Variants in MAGI2 observed in about 807,000 individuals in gnomAD.
MAGI2 encodes membrane-associated guanylate kinase, WW and PDZ domain-containing protein 2.
In MAGI2, 35 loss-of-function variants were observed where a neutral mutation model predicts 133.3. That is an observed-to-expected ratio of 0.26 (90% CI 0.20 to 0.35). The LOEUF (loss-of-function observed/expected upper bound fraction) is 0.35, where lower values mean the gene tolerates loss of function less well. MAGI2 is among the 10% of genes least tolerant of loss of function. The probability of loss-of-function intolerance (pLI) is 1.00; values close to 1 mark genes in which losing one functional copy is unlikely to be tolerated. For missense variants in MAGI2, 1,636 were observed against 1,863.4 expected, an observed-to-expected ratio of 0.88 and a Z score of 2.25; for synonymous variants, 729 against 710.6, an observed-to-expected ratio of 1.03 and a Z score of -0.41.
intron 1 of MAGI2, among the ~76,000 whole-genome samples, chr7:79,132,838 C>G (rs1041102137): frequency 6.6e-6 from 1 of 152,024 alleles, no homozygotes; most frequent in Non-Finnish European, 1.5e-5. Context: ...TTAATAATGG[C>G]CATTATTTCA....
chr7:78,859,110 C>T (rs1458363557), intron 2 of MAGI2, among the ~76,000 whole-genome samples: 1 of 151,908 alleles, frequency 6.6e-6, no homozygotes, highest in African/African-American at 2.4e-5. Context: ...TCCTCCATCC[C>T]TTTATTTTGA....
intron 1 of MAGI2, among the ~76,000 whole-genome samples, chr7:79,409,096 CA>C (rs1554474786): frequency 6.6e-6 from 1 of 151,902 alleles, no homozygotes; most frequent in Non-Finnish European, 1.5e-5. Context: ...GTAGCTTATA[CA>C]ACATTTTTTC....
In MAGI2 at chr7:79,315,764, G is replaced by T. The variant is rs1838676394; in HGVS notation, c.301+137256C>A. On this transcript the variant is annotated intron_variant, in intron 1 of 21. Coordinates refer to ENST00000354212, the MANE Select transcript of MAGI2 (RefSeq NM_012301.4). Reference sequence around the variant, plus strand: ...TAACTCTGGGCAAAAGCAGAGAGATGAAAAGAGGAGGCAGGAATGGAGTCA... The same window carrying T: ...TAACTCTGGGCAAAAGCAGAGAGATTAAAAGAGGAGGCAGGAATGGAGTCA... 2.0e-5 allele frequency among the ~76,000 whole-genome samples: 3 copies of T among 152,136 alleles called. No individual in the cohort carries two copies. The South Asian group carries it at 6.2e-4, about 32-fold the overall frequency.
At chr7:79,157,066 C>G (rs2129547393) in intron 1 of MAGI2, among the ~76,000 whole-genome samples, 1 of 152,206 alleles carries the variant, frequency 6.6e-6, no homozygotes, top group African/African-American at 2.4e-5. Context: ...GATCCTAATT[C>G]TAGTTCAAAG....
At chr7:78,925,511 A>T (rs1288932665) in intron 2 of MAGI2, among the ~76,000 whole-genome samples, 1 of 152,008 alleles carries the variant, frequency 6.6e-6, no homozygotes, top group Admixed American at 6.6e-5. Context: ...ATAGGTCTCA[A>T]AGTGTGGCCT....
intron 2 of MAGI2, among the ~76,000 whole-genome samples, chr7:78,829,895 A>G (rs1790993643): frequency 6.6e-6 from 1 of 152,122 alleles, no homozygotes; most frequent in South Asian, 2.1e-4. Flanking sequence ...CGACTCAACT[A>G]AAGCTAAAAA....
intron 16 of MAGI2, among the ~76,000 whole-genome samples, chr7:78,158,502 C>T (rs1384879961): frequency 2.6e-5 from 4 of 152,186 alleles, no homozygotes; most frequent in African/African-American, 9.7e-5. Context: ...TCATCTACTT[C>T]TCCTCCCTCT....
At chr7:78,355,267 C>G (rs916149058) in intron 7 of MAGI2, among the ~76,000 whole-genome samples, 2 of 152,104 alleles carry the variant, frequency 1.3e-5, no homozygotes, top group African/African-American at 4.8e-5. Context: ...TAATAAAGAA[C>G]AGGAAAGGTG....
At position 79,269,475 on chromosome 7, in the gene MAGI2, C is replaced by A. The variant is rs140392731; in HGVS notation, c.301+183545G>T. Among the ~76,000 whole-genome samples, 506 of 152,012 alleles carry A rather than the reference C, an allele frequency of 3.3e-3. 4 individuals carry two copies. Among genetic ancestry groups the A allele is most frequent in the African/African-American group, 0.011 (457 of 41,482 alleles). On this transcript the variant is annotated intron_variant, in intron 1 of 21. Coordinates refer to ENST00000354212, the MANE Select transcript of MAGI2 (RefSeq NM_012301.4). Reference sequence around the variant, plus strand: ...GCTCTTTGTTTACTCAGTAAGTGCTCAATGTTTGGAAAAAATAAAAATAAA... The same window carrying A: ...GCTCTTTGTTTACTCAGTAAGTGCTAAATGTTTGGAAAAAATAAAAATAAA...
At chr7:78,409,540 T>C (rs185024845) in intron 6 of MAGI2, among the ~76,000 whole-genome samples, 1 of 152,164 alleles carries the variant, frequency 6.6e-6, no homozygotes, top group African/African-American at 2.4e-5. Context: ...GTGAAGAAAA[T>C]AAAACCATCA....
chr7:78,154,885 T>C (rs1824235830), intron 16 of MAGI2, among the ~76,000 whole-genome samples: 1 of 152,044 alleles, frequency 6.6e-6, no homozygotes, highest in Non-Finnish European at 1.5e-5. Flanking sequence ...CCTGACAACC[T>C]CACTGCACGT....
intron 2 of MAGI2, among the ~76,000 whole-genome samples, chr7:78,629,111 A>G (rs1808683998): frequency 6.6e-6 from 1 of 152,100 alleles, no homozygotes; most frequent in South Asian, 2.1e-4. Context: ...ACATGGCTGT[A>G]CCAAATTTTA....
chr7:78,954,901 A>C (rs1473439686), intron 2 of MAGI2, among the ~76,000 whole-genome samples: 1 of 152,182 alleles, frequency 6.6e-6, no homozygotes, highest in African/African-American at 2.4e-5. Context: ...AGGTCTGGTT[A>C]TTATAGATGT....
intron 6 of MAGI2, among the ~76,000 whole-genome samples, chr7:78,473,640 A>T (rs1791450019): frequency 6.6e-6 from 1 of 151,816 alleles, no homozygotes. Context: ...TGCATTTACC[A>T]TGCACACTTT....
At chr7:79,129,895 T>A (rs1235362261) in intron 1 of MAGI2, among the ~76,000 whole-genome samples, 1 of 152,206 alleles carries the variant, frequency 6.6e-6, no homozygotes, top group African/African-American at 2.4e-5. Context: ...AAAACATCAC[T>A]GGGCTAGTTT....
intron 1 of MAGI2, among the ~76,000 whole-genome samples, chr7:79,295,821 T>C (rs1377913090): frequency 6.6e-6 from 1 of 152,094 alleles, no homozygotes; most frequent in Non-Finnish European, 1.5e-5. Context: ...AATTATTAGA[T>C]ATATCATAAT....
intron 20 of MAGI2, among the ~76,000 whole-genome samples, chr7:78,095,919 G>A (rs1328308326): frequency 6.6e-6 from 1 of 152,082 alleles, no homozygotes; most frequent in Non-Finnish European, 1.5e-5. Context: ...ATAAAAACAG[G>A]GAACTAGATA....
chr7:79,065,348 C>T (rs540250970), intron 1 of MAGI2, among the ~76,000 whole-genome samples: 17 of 152,148 alleles, frequency 1.1e-4, no homozygotes, highest in Admixed American at 2.6e-4. Context: ...TGCTAGAGGG[C>T]AGGAAGAATA....
At chr7:78,865,265 C>A (rs1431864858) in intron 2 of MAGI2, among the ~76,000 whole-genome samples, 1 of 152,168 alleles carries the variant, frequency 6.6e-6, no homozygotes, top group African/African-American at 2.4e-5. Context: ...AAGGACAACA[C>A]TTCCTACATT....
Sources: allele counts gnomAD v4.1 joint callset (sites outside exome capture counted in the v4.1 genomes callset), GRCh38; gene constraint gnomAD v4.1.1; transcripts MANE v1.5; gene names NCBI Gene and HGNC (gene_info 2026-07-23, HGNC 2026-07-21).